NPAS3: variants seen among roughly 807,000 people sequenced by gnomAD.
The protein encoded by NPAS3 is neuronal PAS domain-containing protein 3.
Under a neutral mutation model 73.1 loss-of-function variants are expected in NPAS3, and 14 were observed. The observed-to-expected ratio is 0.19, with a 90% CI of 0.13 to 0.30. NPAS3 has a LOEUF of 0.30. Ranked by LOEUF, NPAS3 falls within the 10% of genes least tolerant of loss-of-function variation. The probability of loss-of-function intolerance (pLI) is 1.00; values close to 1 mark genes in which losing one functional copy is unlikely to be tolerated. For missense variants in NPAS3, 1,096 were observed against 1,250.0 expected (o/e 0.88, Z 1.86); for synonymous variants, 620 against 541.5 (o/e 1.14, Z -2.01).
chr14:33,496,116 T>C (rs1301550833), intron 4 of NPAS3, among the ~76,000 whole-genome samples: 1 of 152,164 alleles, frequency 6.6e-6, no homozygotes, highest in Non-Finnish European at 1.5e-5. Flanking sequence ...TATAGATTCC[T>C]GGACACATAC....
At chr14:33,345,736 T>C (rs1012118764) in intron 3 of NPAS3, among the ~76,000 whole-genome samples, 1 of 152,154 alleles carries the variant, frequency 6.6e-6, no homozygotes, top group Non-Finnish European at 1.5e-5. Context: ...AAATGTGCAG[T>C]TCAACAGACA....
chr14:33,597,942 G>C (rs1390573493), intron 5 of NPAS3, among the ~76,000 whole-genome samples: 1 of 152,112 alleles, frequency 6.6e-6, no homozygotes, highest in East Asian at 1.9e-4. Context: ...ATTTTGAAAA[G>C]TATACCCATG....
chr14:33,431,358 T>TA lies in NPAS3; in HGVS notation c.468+64092dup, dbSNP rs1381527214. Among the ~76,000 whole-genome samples the TA allele has an allele frequency of 6.6e-5, 10 of 152,370 alleles. No homozygotes were observed. In the East Asian group the frequency reaches 1.9e-3, roughly 29 times the overall value. ...GGCAAAAGGTCTACATGTATTCATA[T>TA]AAGTTGTTTATTATAAGAATTACTT... On this transcript the variant is annotated intron_variant, in intron 4 of 11. Coordinates refer to ENST00000356141, the Ensembl canonical transcript of NPAS3.
At chr14:33,246,051 C>T (rs930319192) in intron 3 of NPAS3, among the ~76,000 whole-genome samples, 1 of 151,954 alleles carries the variant, frequency 6.6e-6, no homozygotes, top group African/African-American at 2.4e-5. Context: ...ATATGGAAGT[C>T]ACCTGACTTG....
At chr14:33,447,005 A>G (rs1594925052) in intron 4 of NPAS3, among the ~76,000 whole-genome samples, 1 of 152,346 alleles carries the variant, frequency 6.6e-6, no homozygotes, top group Non-Finnish European at 1.5e-5. Context: ...TATGCACGAG[A>G]TGCTATTCTG....
chr14:33,304,667 A>G (rs2042688019), intron 3 of NPAS3, among the ~76,000 whole-genome samples: 1 of 152,200 alleles, frequency 6.6e-6, no homozygotes, highest in Middle Eastern at 3.4e-3. Context: ...TACTATTTAT[A>G]TTTTAGCTTA....
intron 2 of NPAS3, among the ~76,000 whole-genome samples, chr14:33,195,316 G>A (rs576537831): frequency 6.4e-4 from 97 of 151,850 alleles, no homozygotes; most frequent in Non-Finnish European, 1.3e-3. Context: ...TGTCACCTAA[G>A]CTGGAGTGCC....
chr14:33,528,545 G>T (rs1777383951), intron 4 of NPAS3, among the ~76,000 whole-genome samples: 1 of 151,990 alleles, frequency 6.6e-6, no homozygotes, highest in South Asian at 2.1e-4. Flanking sequence ...ATGCCAAGTG[G>T]AAAACTCTCT....
chr14:33,060,685 C>T (rs778954201), intron 2 of NPAS3, among the ~76,000 whole-genome samples: 13 of 152,198 alleles, frequency 8.5e-5, no homozygotes, highest in Non-Finnish European at 1.8e-4. Context: ...CAAACCTGTG[C>T]CTCATCGGCA....
intron 2 of NPAS3, among the ~76,000 whole-genome samples, chr14:33,086,276 G>T (rs2042022953): frequency 6.6e-6 from 1 of 151,854 alleles, no homozygotes; most frequent in African/African-American, 2.4e-5. Context: ...TGATTTAATG[G>T]TTGTTTTCCA....
chr14:33,252,057 C>CTGTG (rs3057325), intron 3 of NPAS3, among the ~76,000 whole-genome samples: 3,490 of 145,290 alleles, frequency 0.024, 60 homozygotes, highest in East Asian at 0.069. Context: ...GTGTGTGTGT[C>CTGTG]TGTGTGTGTG....
intron 6 of NPAS3, among the ~76,000 whole-genome samples, chr14:33,722,834 T>A (rs2061154528): frequency 6.6e-6 from 1 of 152,182 alleles, no homozygotes; most frequent in Non-Finnish European, 1.5e-5. Flanking sequence ...GATGATGGAT[T>A]TAATATGGTA....
At chr14:33,354,828 AC>A (rs1231481528) in intron 3 of NPAS3, among the ~76,000 whole-genome samples, 1 of 152,024 alleles carries the variant, frequency 6.6e-6, no homozygotes, top group Non-Finnish European at 1.5e-5. Flanking sequence ...TTAGAATTGA[AC>A]CCCTCTCTAC....
At chr14:33,782,929 C>G (rs185019436) in intron 9 of NPAS3, among the ~76,000 whole-genome samples, 1 of 152,294 alleles carries the variant, frequency 6.6e-6, no homozygotes, top group Admixed American at 6.5e-5. Context: ...GCATTCCATG[C>G]TGTTTTGCAT....
intron 2 of NPAS3, among the ~76,000 whole-genome samples, chr14:33,188,608 A>G (rs2139489375): frequency 1.3e-5 from 2 of 152,358 alleles, no homozygotes; most frequent in Middle Eastern, 6.8e-3. Context: ...TTCATTGTAT[A>G]GAAGACAGTC....
At chr14:33,286,535 G>T (rs1040270204) in intron 3 of NPAS3, among the ~76,000 whole-genome samples, 1 of 152,108 alleles carries the variant, frequency 6.6e-6, no homozygotes, top group African/African-American at 2.4e-5. Flanking sequence ...TGTGCTTATT[G>T]AATGCGGGTA....
intron 1 of NPAS3, among the ~76,000 whole-genome samples, chr14:32,977,652 A>G (rs912412379): frequency 2.0e-5 from 3 of 152,190 alleles, no homozygotes; most frequent in Non-Finnish European, 2.9e-5. Context: ...GGATCACTTG[A>G]GCCCAGGAGG....
At chr14:33,664,877 G>T (rs1057482902) in intron 5 of NPAS3, among the ~76,000 whole-genome samples, 13 of 152,370 alleles carry the variant, frequency 8.5e-5, no homozygotes, top group Non-Finnish European at 1.5e-4. Context: ...TAGAGAGGAT[G>T]TGGAGATAGG....
At chr14:33,646,343 C>G (rs1952242154) in intron 5 of NPAS3, among the ~76,000 whole-genome samples, 2 of 152,016 alleles carry the variant, frequency 1.3e-5, no homozygotes, top group African/African-American at 4.8e-5. Context: ...TTAACCTTTT[C>G]TTACATTTTC....
Sources: allele counts gnomAD v4.1 joint callset (sites outside exome capture counted in the v4.1 genomes callset), GRCh38; gene constraint gnomAD v4.1.1; transcripts MANE v1.5; gene names NCBI Gene and HGNC (gene_info 2026-07-23, HGNC 2026-07-21).